STRADB: variants seen among roughly 807,000 people sequenced by gnomAD.
The protein encoded by STRADB is STE20 related adaptor beta.
A neutral mutation model predicts 52.1 loss-of-function variants in STRADB; 34 were observed. The ratio of observed to expected loss-of-function variants is 0.65; its 90% CI spans 0.50 to 0.87. The LOEUF (loss-of-function observed/expected upper bound fraction) is 0.87. Ranked by LOEUF, STRADB falls within the 40% of genes least tolerant of loss-of-function variation. STRADB has a pLI of 0.00. For missense variants in STRADB, 340 were observed against 483.9 expected, an observed-to-expected ratio of 0.70 and a Z score of 2.79; for synonymous variants, 133 against 174.5, an observed-to-expected ratio of 0.76 and a Z score of 1.87.
chr2:201,473,411 C>CCAT (rs1178816866), intron 5 of STRADB, among the ~76,000 whole-genome samples: 4 of 152,042 alleles, frequency 2.6e-5, no homozygotes, highest in Non-Finnish European at 5.9e-5. Flanking sequence ...AGTCCTGGAA[C>CCAT]CAATGCTCCA....
intron 3 of STRADB, among the ~76,000 whole-genome samples, chr2:201,467,435 A>G (rs371696917): frequency 2.0e-5 from 3 of 152,124 alleles, no homozygotes; most frequent in East Asian, 3.9e-4. Context: ...AAATATATCA[A>G]TGGAGAGAGG....
rs150881202 is a variant in STRADB, at chr2:201,470,020, A to G, written c.161A>G (p.Asn54Ser). The change falls in exon 4 of 12, where the codon AAC becomes AGC. Residue 54 changes from asparagine (N) to serine (S), a missense_variant. Coordinates refer to ENST00000194530, the MANE Select transcript of STRADB (RefSeq NM_018571.6). Reference protein sequence around the residue: ...TRASEVLCSTNVSHYELQVEI... With the variant: ...TRASEVLCSTSVSHYELQVEI... ...GCCAGTGAAGTACTATGTTCCACCAACGTTTCTCACTATGAGCTCCAAGTA... is the reference window on the plus strand; with the variant it reads ...GCCAGTGAAGTACTATGTTCCACCAGCGTTTCTCACTATGAGCTCCAAGTA... 15 of 1,613,940 alleles carry G rather than the reference A, an allele frequency of 9.3e-6. No individual in the cohort carries two copies. Among genetic ancestry groups the G allele is most frequent in the African/African-American group, 1.3e-5 (1 of 74,926 alleles).
In STRADB at chr2:201,458,769, A is replaced by C. The variant is rs1258965810; in HGVS notation, c.13-15A>C. 3.1e-6 allele frequency: 5 copies of C among 1,612,466 alleles called. No homozygotes were observed. Reference sequence around the variant, plus strand: ...AACTTATTTTTCACTTATATAATGCATTTCTGACTTCCAGGATTGCTTCTG... The same window carrying C: ...AACTTATTTTTCACTTATATAATGCCTTTCTGACTTCCAGGATTGCTTCTG... On this transcript the variant is annotated splice_polypyrimidine_tract_variant and intron_variant, in intron 2 of 11. Coordinates refer to ENST00000194530, the MANE Select transcript of STRADB (RefSeq NM_018571.6).
At position 201,458,849 on chromosome 2, in the gene STRADB, T is replaced by C. The variant is rs892545780; in HGVS notation, c.78T>C (p.Ser26=). 1 of 1,613,734 alleles carries C rather than the reference T, an allele frequency of 6.2e-7. No homozygotes were observed. Among genetic ancestry groups the C allele is most frequent in the Non-Finnish European group, 8.5e-7 (1 of 1,179,816 alleles). The change falls in exon 3 of 12, where the codon AGT becomes AGC. Residue 26 remains serine (S), a synonymous_variant. Coordinates refer to ENST00000194530, the MANE Select transcript of STRADB (RefSeq NM_018571.6). Reference sequence around the variant, plus strand: ...GACCTGAAAAACAGTCTGAAACCAGTATCCATCAATACTTGGTAAGAAAAT... The same window carrying C: ...GACCTGAAAAACAGTCTGAAACCAGCATCCATCAATACTTGGTAAGAAAAT... ...SLRPEKQSET[S]IHQYLVDEPT... is the part of the protein sequence containing the mutation.
At chr2:201,469,673 G>T (rs541748402) in intron 3 of STRADB, among the ~76,000 whole-genome samples, 22 of 152,082 alleles carry the variant, frequency 1.4e-4, no homozygotes, top group African/African-American at 5.3e-4. Flanking sequence ...AACATTCTTC[G>T]CAACTCCTAA....
At chr2:201,461,421 C>T (rs981963515) in intron 3 of STRADB, among the ~76,000 whole-genome samples, 1 of 152,214 alleles carries the variant, frequency 6.6e-6, no homozygotes, top group Non-Finnish European at 1.5e-5. Context: ...GATCCTCCCA[C>T]CTCAGCCTCC....
intron 3 of STRADB, 95 bp downstream of exon 3, chr2:201,458,959 C>T (rs555175141): frequency 4.5e-5 from 46 of 1,023,356 alleles, no homozygotes; most frequent in Middle Eastern, 3.1e-4. Context: ...CCTAGGAGTT[C>T]GAGACCAGCC....
chr2:201,452,445 G>A (rs1952060469), intron 1 of STRADB, among the ~76,000 whole-genome samples: 2 of 152,338 alleles, frequency 1.3e-5, no homozygotes, highest in South Asian at 4.1e-4. Flanking sequence ...TCAATTCAAC[G>A]CTGTGTTTTT....
intron 4 of STRADB, 35 bp downstream of exon 4, chr2:201,470,087 G>A: frequency 6.8e-7 from 1 of 1,477,950 alleles, no homozygotes; most frequent in Non-Finnish European, 9.5e-7. Flanking sequence ...ACCCTTCAGT[G>A]CTAGAAATTA....
intron 3 of STRADB, among the ~76,000 whole-genome samples, chr2:201,460,112 A>G (rs1360915950): frequency 6.6e-6 from 1 of 152,144 alleles, no homozygotes; most frequent in Non-Finnish European, 1.5e-5. Flanking sequence ...AATTTTGCTT[A>G]TAATTTAACC....
intron 3 of STRADB, among the ~76,000 whole-genome samples, chr2:201,465,804 C>T (rs1454331052): frequency 6.6e-6 from 1 of 152,216 alleles, no homozygotes; most frequent in African/African-American, 2.4e-5. Context: ...GGGTGATTCC[C>T]CTCTGGCTAA....
At position 201,480,134 on chromosome 2, in the gene STRADB, T is replaced by C; in HGVS notation, c.1216T>C (p.Cys406Arg). ...PPVLPWTEPE[C>R]DFPDEKDSYW... ...AGTGTTACCTTGGACTGAGCCAGAATGTGATTTTCCTGATGAAAAAGACTC... is the reference window on the plus strand; with the variant it reads ...AGTGTTACCTTGGACTGAGCCAGAACGTGATTTTCCTGATGAAAAAGACTC... The change falls in exon 12 of 12, where the codon TGT becomes CGT. Residue 406 changes from cysteine to arginine, a missense_variant. Physicochemically the swap from Cys to Arg is radical, Grantham distance 180. Coordinates refer to ENST00000194530, the MANE Select transcript of STRADB (RefSeq NM_018571.6). 8 of 1,613,850 alleles carry C rather than the reference T, an allele frequency of 5.0e-6. No homozygotes were observed. Among genetic ancestry groups the C allele is most frequent in the Non-Finnish European group, 6.8e-6 (8 of 1,179,788 alleles).
At chr2:201,474,040 A>G (rs1207975859) in intron 5 of STRADB, among the ~76,000 whole-genome samples, 1 of 151,878 alleles carries the variant, frequency 6.6e-6, no homozygotes, top group African/African-American at 2.4e-5. Flanking sequence ...ACAGGCGCCC[A>G]CCACCACGTC....
chr2:201,464,774 C>T (rs951931921), intron 3 of STRADB, among the ~76,000 whole-genome samples: 4 of 152,218 alleles, frequency 2.6e-5, no homozygotes, highest in African/African-American at 9.6e-5. Context: ...GTGCTCTATT[C>T]TACTGCAGCT....
At position 201,479,209 on chromosome 2, in the gene STRADB, C is replaced by T. The variant is rs537650726; in HGVS notation, c.1071-280C>T. On this transcript the variant is annotated intron_variant, in intron 10 of 11. Transcript: ENST00000194530. ...TAATTAGCACATTTACGTTAAGACT[C>T]TAAGTAGTATAAAATGTAAATTGCT... 36 of 317,510 alleles carry T rather than the reference C, an allele frequency of 1.1e-4. 1 individual carries two copies. Among genetic ancestry groups the T allele is most frequent in the South Asian group, 4.2e-4 (8 of 19,068 alleles). The allele number at this position is 317,510 out of a possible 1,614,324, so 19.7% of individuals were successfully genotyped here.
chr2:201,454,997 A>C (rs1294754584), intron 2 of STRADB, 145 bp downstream of exon 2: 2 of 632,586 alleles, frequency 3.2e-6, no homozygotes, highest in Non-Finnish European at 2.6e-6. Context: ...GGACTTGAGA[A>C]ATGAATTACA....
At chr2:201,473,162 A>T in intron 5 of STRADB, 86 bp downstream of exon 5, 1 of 1,187,234 alleles carries the variant, frequency 8.4e-7, no homozygotes, top group Non-Finnish European at 1.1e-6. Flanking sequence ...GTGAATAGAA[A>T]ATATATATTT....
At chr2:201,479,671 A>G in intron 11 of STRADB, 140 bp downstream of exon 11, 1 of 873,528 alleles carries the variant, frequency 1.1e-6, no homozygotes. Flanking sequence ...AAAAACAAGA[A>G]AACTTTTGGT....
Position 201,478,180 on chromosome 2 carries a change from C to T in STRADB, c.814C>T (p.His272Tyr), listed in dbSNP as rs1952510525. 4 of 1,612,612 alleles carry T rather than the reference C, an allele frequency of 2.5e-6. No individual in the cohort carries two copies. The East Asian group carries it at 6.7e-5, about 27-fold the overall frequency. The part of the protein sequence containing the change: ...ASGQVPFQDM[H>Y]RTQMLLQKLK... Reference sequence around the variant, plus strand: ...TGGGCAGGTGCCTTTCCAGGACATGCATAGAACTCAGGTAAGTGCTGCTAA... The same window carrying T: ...TGGGCAGGTGCCTTTCCAGGACATGTATAGAACTCAGGTAAGTGCTGCTAA... Residue 272 changes from histidine to tyrosine, a missense_variant, in exon 9 of 12, where the codon CAT becomes TAT. Physicochemically the swap from His to Tyr is moderately conservative, Grantham distance 83. Transcript: ENST00000194530.
Sources: gnomAD v4.1 joint callset for allele counts (sites outside exome capture counted in the v4.1 genomes callset) on GRCh38, gnomAD v4.1.1 for gene constraint, MANE v1.5 for transcripts, NCBI Gene and HGNC (gene_info 2026-07-23, HGNC 2026-07-21) for gene names.